The following C6 variants were observed in gnomAD, a reference collection of about 807,000 sequenced individuals.
C6 encodes complement C6, also known as complement component C6.
C6 carries 101 observed loss-of-function variants against 112.9 expected under a neutral mutation model. The observed-to-expected ratio is 0.89, with a 90% confidence interval of 0.76 to 1.06. The LOEUF (loss-of-function observed/expected upper bound fraction) is 1.06, where lower values mean the gene tolerates loss of function less well. Among genes scored for constraint, C6 ranks in the 50% least tolerant of loss-of-function variants. The probability of loss-of-function intolerance (pLI) is 0.00; values close to 1 mark genes in which losing one functional copy is unlikely to be tolerated. For synonymous variants in C6, 431 were observed against 384.1 expected (o/e 1.12, Z -1.43); for missense variants, 1,202 against 1,104.6 (o/e 1.09, Z -1.25).
At position 41,203,269 on chromosome 5, in the gene C6, T is replaced by A. The variant is rs1751177851; in HGVS notation, c.-20-19A>T. ...CCAGGCCCTAAAATGAAAGAATACA[T>A]AACACATATCAAATGCTTTTTTGAG... On this transcript the variant is annotated intron_variant, in intron 1 of 17. Coordinates refer to ENST00000337836, the MANE Select transcript of C6 (RefSeq NM_000065.5). 1 of 1,612,360 alleles carries A rather than the reference T, an allele frequency of 6.2e-7. No homozygotes were observed. The highest frequency in any genetic ancestry group is 8.5e-7 in the Non-Finnish European group (1 of 1,178,640).
rs529687189 is a variant in C6, at chr5:41,259,230, A to G, written c.-21+1964T>C. 1.2e-4 allele frequency among the ~76,000 whole-genome samples: 18 copies of G among 152,346 alleles called. No homozygotes were observed. In the East Asian group the frequency reaches 3.3e-3, roughly 28 times the overall value. On this transcript the variant is annotated intron_variant, in intron 1 of 17. Transcript: ENST00000263413. Reference sequence around the variant, plus strand: ...AATGATTAAATCAAATGTTTGATGAAATTATGAAAAAGATATAAATCTAAC... The same window carrying G: ...AATGATTAAATCAAATGTTTGATGAGATTATGAAAAAGATATAAATCTAAC...
At chr5:41,157,469 GTTGAAATTACTCAC>G (rs1237415838) in intron 13 of C6, among the ~76,000 whole-genome samples, 1 of 152,196 alleles carries the variant, frequency 6.6e-6, no homozygotes, top group Admixed American at 6.5e-5. Flanking sequence ...TATGGCATCT[GTTGAAATTACTCAC>G]TTCTGCCATT....
chr5:41,193,107 A>G (rs970587863), intron 5 of C6, among the ~76,000 whole-genome samples: 2 of 152,202 alleles, frequency 1.3e-5, no homozygotes. Flanking sequence ...TGCATATTAT[A>G]TTCAAATAGC....
At chr5:41,169,995 AGTAG>A (rs1010137469) in intron 9 of C6, among the ~76,000 whole-genome samples, 1 of 152,118 alleles carries the variant, frequency 6.6e-6, no homozygotes, top group African/African-American at 2.4e-5. Flanking sequence ...GTTTTTTTCC[AGTAG>A]GACTTAATAC....
intron 9 of C6, among the ~76,000 whole-genome samples, chr5:41,164,282 G>A (rs78765203): frequency 2.6e-5 from 4 of 152,132 alleles, no homozygotes; most frequent in African/African-American, 7.2e-5. Context: ...GGAGGATGGC[G>A]CTCTGAAGGA....
intron 5 of C6, among the ~76,000 whole-genome samples, chr5:41,190,377 T>A (rs1022714346): frequency 6.6e-6 from 1 of 152,216 alleles, no homozygotes; most frequent in Non-Finnish European, 1.5e-5. Context: ...TTGAACATTT[T>A]AAAATATATT....
At chr5:41,259,661 T>G (rs1015794956) in intron 1 of C6, among the ~76,000 whole-genome samples, 3 of 152,222 alleles carry the variant, frequency 2.0e-5, no homozygotes, top group Non-Finnish European at 2.9e-5. Context: ...AATTACCAAT[T>G]GCTTATAAGT....
intron 5 of C6, among the ~76,000 whole-genome samples, chr5:41,189,060 T>C (rs560215387): frequency 6.6e-6 from 1 of 152,068 alleles, no homozygotes; most frequent in African/African-American, 2.4e-5. Context: ...GAAATACAAA[T>C]CAAACCTGCG....
chr5:41,165,383 A>G (rs907889774), intron 9 of C6, among the ~76,000 whole-genome samples: 2 of 152,172 alleles, frequency 1.3e-5, no homozygotes, highest in Non-Finnish European at 2.9e-5. Flanking sequence ...GGTATTACCA[A>G]TTTATACTCC....
chr5:41,176,579 C>T lies in C6; in HGVS notation c.1064G>A (p.Ser355Asn). The T allele has an allele frequency of 1.9e-6, 3 of 1,613,930 alleles. No individual in the cohort carries two copies. The highest frequency in any genetic ancestry group is 2.5e-6 in the Non-Finnish European group (3 of 1,179,882). The change falls in exon 8 of 18, where the codon AGC becomes AAC. Residue 355 changes from serine (S) to asparagine (N), a missense_variant. Coordinates refer to ENST00000337836, the MANE Select transcript of C6 (RefSeq NM_000065.5). The part of the protein sequence containing the change: ...LPLEYNSALY[S>N]RIFDDFGTHY... The stretch of plus-strand genomic sequence containing the variant: ...AGTCCCAAAGTCATCGAATATTCGG[C>T]TGTACAAAGCAGAGTTGTATTCTAG...
intron 1 of C6, among the ~76,000 whole-genome samples, chr5:41,259,517 CAAAA>C (rs56168478): frequency 1.1e-3 from 161 of 143,118 alleles, no homozygotes; most frequent in African/African-American, 3.6e-3. Context: ...CTGAAATTAC[CAAAA>C]AAAAAAAAAA....
chr5:41,227,228 A>T (rs1205115119), intron 1 of C6, among the ~76,000 whole-genome samples: 1 of 152,012 alleles, frequency 6.6e-6, no homozygotes, highest in Admixed American at 6.6e-5. Flanking sequence ...CAGTTTTTCA[A>T]ATTCCTGTTG....
At chr5:41,179,012 C>A (rs896213990) in intron 7 of C6, among the ~76,000 whole-genome samples, 11 of 152,046 alleles carry the variant, frequency 7.2e-5, no homozygotes, top group African/African-American at 2.7e-4. Flanking sequence ...CACTGCCACG[C>A]CCGGCTAATT....
chr5:41,228,459 C>A (rs982037623), intron 1 of C6, among the ~76,000 whole-genome samples: 2 of 152,112 alleles, frequency 1.3e-5, no homozygotes, highest in African/African-American at 4.8e-5. Flanking sequence ...CTTTCTCTTG[C>A]TTAATTGCTC....
At chr5:41,239,826 G>A (rs1172481519) in intron 1 of C6, among the ~76,000 whole-genome samples, 1 of 152,078 alleles carries the variant, frequency 6.6e-6, no homozygotes, top group Non-Finnish European at 1.5e-5. Context: ...GTTTTTGCTT[G>A]TCTAGGAAAG....
At position 41,159,062 on chromosome 5, in the gene C6, T is replaced by C. The variant is rs1370296285; in HGVS notation, c.1856+20A>G. 3 of 1,613,494 alleles carry C rather than the reference T, an allele frequency of 1.9e-6. No homozygotes were observed. In the South Asian group the frequency reaches 3.3e-5, roughly 18 times the overall value. ...GAGTTAGGGCAAAATGACCCATTCT[T>C]TTCCCTTACCCGGCCTTACTTGTTT... On this transcript the variant is annotated intron_variant, in intron 12 of 17. Transcript: ENST00000337836.
At chr5:41,147,423 C>A (rs1298766192) in intron 17 of C6, among the ~76,000 whole-genome samples, 1 of 152,092 alleles carries the variant, frequency 6.6e-6, no homozygotes, top group Non-Finnish European at 1.5e-5. Flanking sequence ...CCATCAGATG[C>A]CAGCTATGTC....
chr5:41,212,153 A>T (rs943281642), intron 1 of C6, among the ~76,000 whole-genome samples: 5 of 152,014 alleles, frequency 3.3e-5, no homozygotes, highest in Non-Finnish European at 1.5e-5. Context: ...TGTTAAAACA[A>T]TTTTATTTTT....
intron 1 of C6, among the ~76,000 whole-genome samples, chr5:41,225,767 G>C (rs535666278): frequency 6.7e-6 from 1 of 149,108 alleles, no homozygotes; most frequent in Non-Finnish European, 1.5e-5. Context: ...TAGACCAATG[G>C]AACAGAACAG....
Sources: gnomAD v4.1 joint callset for allele counts (sites outside exome capture counted in the v4.1 genomes callset) on GRCh38, gnomAD v4.1.1 for gene constraint, MANE v1.5 for transcripts, NCBI Gene and HGNC (gene_info 2026-07-23, HGNC 2026-07-21) for gene names.